LIMCH1: variants seen among roughly 807,000 people sequenced by gnomAD.
The protein encoded by LIMCH1 is LIM and calponin homology domains-containing protein 1.
In LIMCH1, 113 loss-of-function variants were observed where a neutral mutation model predicts 176.5. The ratio of observed to expected loss-of-function variants is 0.64; its 90% CI spans 0.55 to 0.75. The LOEUF (loss-of-function observed/expected upper bound fraction) is 0.75. Ranked by LOEUF, LIMCH1 falls within the 30% of genes least tolerant of loss-of-function variation. The pLI is 0.00. For missense variants in LIMCH1, 1,674 were observed against 1,814.9 expected (o/e 0.92, Z 1.41); for synonymous variants, 619 against 645.9 (o/e 0.96, Z 0.63).
At chr4:41,375,341 A>G (rs1343619894) in intron 1 of LIMCH1, among the ~76,000 whole-genome samples, 1 of 152,126 alleles carries the variant, frequency 6.6e-6, no homozygotes, top group East Asian at 1.9e-4. Flanking sequence ...CAAGTGCCCA[A>G]CCCATACCTA....
At chr4:41,438,847 G>A (rs2062393271) in intron 1 of LIMCH1, among the ~76,000 whole-genome samples, 1 of 152,214 alleles carries the variant, frequency 6.6e-6, no homozygotes, top group African/African-American at 2.4e-5. Context: ...AGCAAGATGA[G>A]TCCTGCCATC....
At chr4:41,467,955 G>A (rs972154019) in intron 1 of LIMCH1, among the ~76,000 whole-genome samples, 3 of 152,078 alleles carry the variant, frequency 2.0e-5, no homozygotes, top group African/African-American at 7.2e-5. Context: ...TTCAAAAGAC[G>A]GTGCTTGCCT....
At chr4:41,396,415 A>G (rs1405537749) in intron 1 of LIMCH1, among the ~76,000 whole-genome samples, 1 of 152,190 alleles carries the variant, frequency 6.6e-6, no homozygotes, top group Non-Finnish European at 1.5e-5. Flanking sequence ...CTACTGACCT[A>G]TTTAAATATG....
intron 3 of LIMCH1, among the ~76,000 whole-genome samples, chr4:41,530,410 TTCTAGAACTTTACCTTCCCTCCAG>T (rs1371189410): frequency 6.6e-6 from 1 of 152,202 alleles, no homozygotes; most frequent in African/African-American, 2.4e-5. Context: ...ATGTCTTCTC[TTCTAGAACTTTACCTTCCCTCCAG>T]TGGTTTATCT....
chr4:41,458,984 TCA>T (rs2064972302), intron 1 of LIMCH1, among the ~76,000 whole-genome samples: 1 of 152,120 alleles, frequency 6.6e-6, no homozygotes, highest in Admixed American at 6.5e-5. Context: ...TCTCTAAGCC[TCA>T]TTATATTCAG....
intron 1 of LIMCH1, among the ~76,000 whole-genome samples, chr4:41,447,853 C>T (rs180687476): frequency 3.9e-5 from 6 of 152,146 alleles, no homozygotes; most frequent in South Asian, 2.1e-4. Flanking sequence ...TGCAGTGGCG[C>T]GATTTCCGCT....
chr4:41,605,587 T>G (rs560119369), intron 3 of LIMCH1, among the ~76,000 whole-genome samples: 1 of 152,328 alleles, frequency 6.6e-6, no homozygotes, highest in Non-Finnish European at 1.5e-5. Context: ...CTTCACTACA[T>G]AAAAGATAAT....
At chr4:41,668,309 ATTT>A in intron 21 of LIMCH1, among the ~76,000 whole-genome samples, 1 of 152,344 alleles carries the variant, frequency 6.6e-6, no homozygotes, top group South Asian at 2.1e-4. Context: ...TTTTCAAAGC[ATTT>A]GTCTTAAATT....
intron 1 of LIMCH1, among the ~76,000 whole-genome samples, chr4:41,578,837 G>T (rs2152667196): frequency 6.6e-6 from 1 of 151,998 alleles, no homozygotes; most frequent in African/African-American, 2.4e-5. Context: ...CAGTAGCTAG[G>T]ATTACAGGCA....
chr4:41,444,571 A>C (rs992311078), intron 1 of LIMCH1, among the ~76,000 whole-genome samples: 1 of 151,924 alleles, frequency 6.6e-6, no homozygotes, highest in East Asian at 1.9e-4. Flanking sequence ...GGGAATCTCT[A>C]CCTCTCATTA....
chr4:41,463,978 A>G (rs146828322), intron 1 of LIMCH1, among the ~76,000 whole-genome samples: 23 of 152,196 alleles, frequency 1.5e-4, no homozygotes, highest in African/African-American at 5.3e-4. Context: ...TTAGCCTCAC[A>G]AAGTGCTGGG....
chr4:41,507,737 G>A (rs759802686), intron 2 of LIMCH1, among the ~76,000 whole-genome samples: 2 of 152,136 alleles, frequency 1.3e-5, no homozygotes, highest in Admixed American at 1.3e-4. Context: ...GAGGATAGGT[G>A]CCTGAAAGGG....
chr4:41,611,150 T>C (rs964238074), intron 4 of LIMCH1, among the ~76,000 whole-genome samples: 1 of 152,224 alleles, frequency 6.6e-6, no homozygotes, highest in African/African-American at 2.4e-5. Context: ...GTATGTTTTC[T>C]ATGTTTAGGT....
intron 1 of LIMCH1, among the ~76,000 whole-genome samples, chr4:41,403,116 A>G (rs544192713): frequency 2.2e-4 from 34 of 152,296 alleles, no homozygotes; most frequent in Admixed American, 1.3e-3. Context: ...AAAAATAAAA[A>G]AGCCTAGTAC....
At chr4:41,620,823 C>T in intron 7 of LIMCH1, 133 bp downstream of exon 7, 3 of 1,019,042 alleles carry the variant, frequency 2.9e-6, no homozygotes, top group Non-Finnish European at 4.2e-6. Flanking sequence ...GTTCCCTGCT[C>T]TGAGCACGTA....
intron 1 of LIMCH1, among the ~76,000 whole-genome samples, chr4:41,438,024 G>GA (rs1358080783): frequency 6.6e-6 from 1 of 152,188 alleles, no homozygotes; most frequent in Non-Finnish European, 1.5e-5. Flanking sequence ...TGGAATATGA[G>GA]AAAGTGCTGG....
chr4:41,367,489 A>G (rs1043895240), intron 1 of LIMCH1, among the ~76,000 whole-genome samples: 4 of 151,920 alleles, frequency 2.6e-5, no homozygotes, highest in Non-Finnish European at 5.9e-5. Flanking sequence ...TGCCCCACCC[A>G]TTCACCCCTA....
intron 1 of LIMCH1, among the ~76,000 whole-genome samples, chr4:41,594,306 G>A (rs2088272987): frequency 6.6e-6 from 1 of 152,140 alleles, no homozygotes; most frequent in Non-Finnish European, 1.5e-5. Context: ...AAAACTTCTT[G>A]CAAAGATGTA....
upstream of LIMCH1, among the ~76,000 whole-genome samples, chr4:41,535,222 A>G (rs2077772774): frequency 6.6e-6 from 1 of 151,668 alleles, no homozygotes; most frequent in Admixed American, 6.6e-5. Context: ...TTGACAATTC[A>G]TTGAGATATC....
Sources: allele counts gnomAD v4.1 joint callset (sites outside exome capture counted in the v4.1 genomes callset), GRCh38; gene constraint gnomAD v4.1.1; transcripts MANE v1.5; gene names NCBI Gene and HGNC (gene_info 2026-07-23, HGNC 2026-07-21).